LMCD1: variants seen among roughly 807,000 people sequenced by gnomAD.
LMCD1 encodes LIM and cysteine rich domains 1.
In LMCD1, 32 loss-of-function variants were observed where a neutral mutation model predicts 42.7. The ratio of observed to expected loss-of-function variants is 0.75; its 90% confidence interval spans 0.57 to 1.01. The LOEUF is 1.01. LMCD1 is among the 50% of genes least tolerant of loss of function. The pLI is 0.00. For missense variants in LMCD1, 458 were observed against 483.1 expected (o/e 0.95, Z 0.49); for synonymous variants, 178 against 184.9 (o/e 0.96, Z 0.30).
chr3:8,545,545 C>T (rs1387731318), intron 3 of LMCD1, among the ~76,000 whole-genome samples: 1 of 152,178 alleles, frequency 6.6e-6, no homozygotes, highest in Non-Finnish European at 1.5e-5. Flanking sequence ...AGTTGTTTAT[C>T]TCACTAATTT....
chr3:8,539,720 T>C (rs545704009), intron 3 of LMCD1, among the ~76,000 whole-genome samples: 1 of 152,078 alleles, frequency 6.6e-6, no homozygotes, highest in Admixed American at 6.6e-5. Context: ...CTGTCTGCTC[T>C]TCATCTGGGC....
At chr3:8,511,087 T>C (rs1362118987) in intron 1 of LMCD1, among the ~76,000 whole-genome samples, 2 of 152,244 alleles carry the variant, frequency 1.3e-5, no homozygotes, top group Non-Finnish European at 2.9e-5. Context: ...GAACAAGTCA[T>C]ATTAGTTCTG....
intron 4 of LMCD1, among the ~76,000 whole-genome samples, chr3:8,559,230 C>T (rs1191146186): frequency 2.0e-5 from 3 of 152,196 alleles, no homozygotes; most frequent in Non-Finnish European, 4.4e-5. Flanking sequence ...CCCTTGGTAT[C>T]ATGGAAGGAA....
chr3:8,532,873 T>A, intron 2 of LMCD1, 48 bp downstream of exon 2: 1 of 1,493,506 alleles, frequency 6.7e-7, no homozygotes, highest in African/African-American at 1.4e-5. Context: ...GTTACTTGGC[T>A]GTCCTCTCGG....
chr3:8,513,247 G>T (rs1694034883), intron 1 of LMCD1, among the ~76,000 whole-genome samples: 1 of 152,160 alleles, frequency 6.6e-6, no homozygotes, highest in South Asian at 2.1e-4. Context: ...ATGAAGGTCA[G>T]AGCATCTATA....
At chr3:8,513,722 C>T (rs1694044809) in intron 1 of LMCD1, among the ~76,000 whole-genome samples, 1 of 152,088 alleles carries the variant, frequency 6.6e-6, no homozygotes, top group Admixed American at 6.6e-5. Context: ...AAGTTGTCAT[C>T]GCTTATTACT....
chr3:8,571,657 G>C lies in LMCD1; in HGVS notation c.*4059G>C, dbSNP rs1356801726. On this transcript the variant is annotated 3_prime_UTR_variant, in exon 6 of 6. Coordinates refer to ENST00000157600, the MANE Select transcript of LMCD1 (RefSeq NM_014583.4). ...ATTGGCTTTGCCAACCTGGTCTGCA[G>C]CTGGAGAAAGGCCATGCGCCTCTAT... 1 of 152,266 alleles carries C rather than the reference G, an allele frequency of 6.6e-6. No homozygotes were observed. The highest frequency in any genetic ancestry group is 1.5e-5 in the Non-Finnish European group (1 of 68,048). The allele number at this position is 152,266 out of a possible 1,614,324, so 9.4% of individuals were successfully genotyped here.
chr3:8,558,663 C>T (rs1282061257), intron 4 of LMCD1, among the ~76,000 whole-genome samples: 2 of 152,194 alleles, frequency 1.3e-5, no homozygotes, highest in Non-Finnish European at 2.9e-5. Context: ...TCCATTTGAC[C>T]ATACTAGCTC....
chr3:8,508,768 T>G (rs1237992255), intron 1 of LMCD1, among the ~76,000 whole-genome samples: 1 of 152,232 alleles, frequency 6.6e-6, no homozygotes, highest in African/African-American at 2.4e-5. Flanking sequence ...CAGCATCTTT[T>G]ATGAATGAAG....
intron 4 of LMCD1, chr3:8,550,074 G>C: frequency 6.8e-7 from 1 of 1,463,628 alleles, no homozygotes; most frequent in Non-Finnish European, 9.0e-7. Flanking sequence ...TGGAAGAAGT[G>C]CTGCTGAGGA....
intron 1 of LMCD1, chr3:8,514,848 G>A (rs927625393): frequency 4.6e-6 from 2 of 435,658 alleles, no homozygotes; most frequent in African/African-American, 4.0e-5. Context: ...ACCTTTATAA[G>A]AAGAGGTGTT....
At chr3:8,559,251 C>A (rs762132966) in intron 4 of LMCD1, among the ~76,000 whole-genome samples, 3 of 152,166 alleles carry the variant, frequency 2.0e-5, no homozygotes, top group Admixed American at 6.5e-5. Flanking sequence ...ATCCAGGCCT[C>A]CAAACCTGCC....
At chr3:8,525,433 T>C (rs1186379796) in intron 1 of LMCD1, among the ~76,000 whole-genome samples, 3 of 152,190 alleles carry the variant, frequency 2.0e-5, no homozygotes, top group Non-Finnish European at 4.4e-5. Context: ...TGTACGTGGG[T>C]GTATGTGCCA....
At chr3:8,534,773 G>A (rs1694479892) in intron 2 of LMCD1, among the ~76,000 whole-genome samples, 1 of 152,170 alleles carries the variant, frequency 6.6e-6, no homozygotes, top group Non-Finnish European at 1.5e-5. Context: ...ATTTTGGGGT[G>A]TGCCTGTGTC....
At chr3:8,567,399 A>G (rs374976847) in intron 5 of LMCD1, 41 bp from the exon 6 acceptor site, 49 of 1,603,218 alleles carry the variant, frequency 3.1e-5, no homozygotes, top group Non-Finnish European at 6.8e-6. Context: ...CTACCTAGGG[A>G]CAGAAACTGA....
At chr3:8,519,948 A>G (rs1012181271) in intron 1 of LMCD1, among the ~76,000 whole-genome samples, 4 of 150,890 alleles carry the variant, frequency 2.7e-5, no homozygotes, top group African/African-American at 7.4e-5. Flanking sequence ...GTGTGTGTCA[A>G]TGCTTCCATT....
chr3:8,515,470 T>G (rs760649545), intron 1 of LMCD1, among the ~76,000 whole-genome samples: 1 of 152,180 alleles, frequency 6.6e-6, no homozygotes, highest in Non-Finnish European at 1.5e-5. Flanking sequence ...CGTTTACTTT[T>G]CTGAATGGCC....
chr3:8,567,317 G>C (rs542391045), intron 5 of LMCD1, 123 bp from the exon 6 acceptor site: 1 of 978,440 alleles, frequency 1.0e-6, no homozygotes, highest in Non-Finnish European at 1.5e-6. Context: ...TTCCACTAAG[G>C]CTTTAAAAGG....
At chr3:8,563,949 G>A (rs1308499525) in intron 4 of LMCD1, among the ~76,000 whole-genome samples, 1 of 152,174 alleles carries the variant, frequency 6.6e-6, no homozygotes, top group Non-Finnish European at 1.5e-5. Context: ...CACCTGACCA[G>A]TACTCCTCAA....
Sources: gnomAD v4.1 joint callset for allele counts (sites outside exome capture counted in the v4.1 genomes callset) on GRCh38, gnomAD v4.1.1 for gene constraint, MANE v1.5 for transcripts, NCBI Gene and HGNC (gene_info 2026-07-23, HGNC 2026-07-21) for gene names.